Variants in GNB5 observed in about 807,000 individuals in gnomAD.
The protein encoded by GNB5 is guanine nucleotide-binding protein subunit beta-5.
GNB5 carries 37 observed loss-of-function variants against 55.3 expected under a neutral mutation model. The ratio of observed to expected loss-of-function variants is 0.67; its 90% CI spans 0.51 to 0.88. The LOEUF (loss-of-function observed/expected upper bound fraction) is 0.88. Ranked by LOEUF, GNB5 falls within the 40% of genes least tolerant of loss-of-function variation. GNB5 has a pLI of 0.00. For synonymous variants in GNB5, 219 were observed against 198.5 expected (o/e 1.10, Z -0.87); for missense variants, 476 against 515.3 (o/e 0.92, Z 0.74).
At position 52,141,147 on chromosome 15, in the gene GNB5, T is replaced by A; in HGVS notation, c.620A>T (p.Asp207Val). The A allele has an allele frequency of 1.9e-6, 3 of 1,614,140 alleles. No homozygotes were observed. Among genetic ancestry groups the A allele is most frequent in the Non-Finnish European group, 2.5e-6 (3 of 1,179,992 alleles). Residue 207 changes from aspartate to valine, a missense_variant, in exon 7 of 13, where the codon GAC becomes GTC. By Grantham distance (152) the Asp-to-Val change is radical. Coordinates refer to ENST00000261837, the MANE Select transcript of GNB5 (RefSeq NM_016194.4). ...YLSACSFTNSDMQILTASGDG... is the reference protein window; with the variant it reads ...YLSACSFTNSVMQILTASGDG... ...CGGGGGCTGCCTATTTACCTGCATG[T>A]CAGAGTTGGTGAAGCTGCAGGCCGA...
chr15:52,141,314 C>T, intron 6 of GNB5, 42 bp from the exon 7 acceptor site: 1 of 1,574,234 alleles, frequency 6.4e-7, no homozygotes, highest in Non-Finnish European at 8.7e-7. Context: ...AATGCAGAGT[C>T]ACAGAATATG....
At chr15:52,138,938 T>C (rs1422121601) in intron 7 of GNB5, 4 of 152,232 alleles carry the variant, frequency 2.6e-5, no homozygotes, top group East Asian at 3.8e-4. Context: ...TTCATATAAA[T>C]GCATTAAACA....
chr15:52,128,840 A>G (rs1190514047), intron 9 of GNB5: 6 of 429,578 alleles, frequency 1.4e-5, no homozygotes, highest in Non-Finnish European at 2.4e-5. Context: ...CTCAATGATT[A>G]GTGAGAAATA....
At chr15:52,132,447 T>C (rs1281890230) in intron 9 of GNB5, among the ~76,000 whole-genome samples, 1 of 152,082 alleles carries the variant, frequency 6.6e-6, no homozygotes, top group Non-Finnish European at 1.5e-5. Context: ...TTCCCTACAA[T>C]GTATTCTCCA....
At chr15:52,186,975 C>A (rs949270711) in intron 1 of GNB5, among the ~76,000 whole-genome samples, 19 of 152,172 alleles carry the variant, frequency 1.2e-4, no homozygotes, top group African/African-American at 4.6e-4. Flanking sequence ...GCCCTCGCCT[C>A]TCCCTGGGAG....
intron 4 of GNB5, 121 bp downstream of exon 4, chr15:52,153,819 C>A: frequency 1.2e-6 from 1 of 807,664 alleles, no homozygotes; most frequent in Non-Finnish European, 2.0e-6. Context: ...AAATCACATC[C>A]TTTGGAGAAT....
intron 6 of GNB5, among the ~76,000 whole-genome samples, chr15:52,146,719 C>T (rs1402658188): frequency 6.6e-6 from 1 of 150,766 alleles, no homozygotes; most frequent in East Asian, 2.0e-4. Context: ...TGTATACCAC[C>T]ACACCCAGCT....
At chr15:52,123,543 C>CCTTTTTTTTTTTTTTTTT (rs1566930700) in intron 12 of GNB5, 1 of 140,142 alleles carries the variant, frequency 7.1e-6, no homozygotes. Context: ...GAATGGGCTA[C>CCTTTTTTTTTTTTTTTTT]TTTTTTTTTT....
chr15:52,133,591 T>C (rs2033632731), intron 8 of GNB5, 122 bp from the exon 9 acceptor site: 2 of 667,682 alleles, frequency 3.0e-6, no homozygotes, highest in African/African-American at 3.6e-5. Context: ...ACAACACACT[T>C]TTCTGAGACT....
intron 5 of GNB5, among the ~76,000 whole-genome samples, chr15:52,148,815 C>A (rs555741194): frequency 1.3e-5 from 2 of 152,324 alleles, no homozygotes; most frequent in Non-Finnish European, 2.9e-5. Flanking sequence ...CTCCAGAGAA[C>A]GAGCTGAGGT....
At position 52,115,215 on chromosome 15, in the gene GNB5, A is replaced by G. The variant is rs537219377; in HGVS notation, c.*7542T>C. On this transcript the variant is annotated 3_prime_UTR_variant, in exon 13 of 13. Transcript: ENST00000261837. ...TAGATTTGCAGTAGCTTTGGGGTAA[A>G]TGATAAATCCTCTGGAACTGCCATT... 1 of 152,364 alleles carries G rather than the reference A, an allele frequency of 6.6e-6. No homozygotes were observed. Among genetic ancestry groups the G allele is most frequent in the South Asian group, 2.1e-4 (1 of 4,830 alleles). The allele number at this position is 152,364 out of a possible 1,614,324, so 9.4% of individuals were successfully genotyped here.
chr15:52,182,537 T>A (rs2034787105), intron 2 of GNB5, among the ~76,000 whole-genome samples: 1 of 152,228 alleles, frequency 6.6e-6, no homozygotes, highest in African/African-American at 2.4e-5. Flanking sequence ...TAGGCAGTTT[T>A]CCAAGTACTT....
chr15:52,136,372 T>C (rs1190990951), intron 7 of GNB5, among the ~76,000 whole-genome samples: 1 of 152,182 alleles, frequency 6.6e-6, no homozygotes, highest in Non-Finnish European at 1.5e-5. Flanking sequence ...CGTGAGTCTC[T>C]ACTGAGTGTT....
intron 3 of GNB5, among the ~76,000 whole-genome samples, chr15:52,164,606 C>T (rs183569051): frequency 6.6e-6 from 1 of 151,616 alleles, no homozygotes; most frequent in Non-Finnish European, 1.5e-5. Context: ...CCAGCCTGGG[C>T]GACAGAGCCA....
Position 52,154,072 on chromosome 15 carries a change from G to T in GNB5, c.243C>A (p.His81Gln). 5.6e-6 allele frequency: 9 copies of T among 1,613,712 alleles called. No homozygotes were observed. Among genetic ancestry groups the T allele is most frequent in the Non-Finnish European group, 7.6e-6 (9 of 1,179,800 alleles). The change falls in exon 4 of 13, where the codon CAC becomes CAA. Residue 81 changes from histidine to glutamine, a missense_variant. Transcript: ENST00000261837. ...ERAKLHDVELHQVAERVEALG... is the reference protein window; with the variant it reads ...ERAKLHDVELQQVAERVEALG... ...GGGCCTCCACCCGCTCCGCCACCTG[G>T]TGCACTGGAATGACAAGGCCATAGT...
chr15:52,124,425 G>C, intron 12 of GNB5, 48 bp downstream of exon 12: 1 of 1,487,230 alleles, frequency 6.7e-7, no homozygotes, highest in Non-Finnish European at 9.3e-7. Flanking sequence ...CCTGTCACCA[G>C]TCCTCTCTCC....
Position 52,137,099 on chromosome 15 carries a change from C to G in GNB5, c.628-1343G>C, listed in dbSNP as rs375241649. 12 of 555,068 alleles carry G rather than the reference C, an allele frequency of 2.2e-5. No individual in the cohort carries two copies. The East Asian group carries it at 6.4e-4, about 30-fold the overall frequency. The allele number at this position is 555,068 out of a possible 1,614,324, so 34.4% of individuals were successfully genotyped here. A position where few individuals can be genotyped will look rare whatever the true frequency, so the allele number is the denominator to read the frequency against. ...AATCACCAAGCCTGGACCCTGAAAT[C>G]CTCTAAGTACCCTTCCCTAATTCCT... On this transcript the variant is annotated intron_variant, in intron 7 of 12. Coordinates refer to ENST00000261837, the MANE Select transcript of GNB5 (RefSeq NM_016194.4).
intron 3 of GNB5, among the ~76,000 whole-genome samples, chr15:52,168,215 T>C (rs2034487830): frequency 6.6e-6 from 1 of 152,198 alleles, no homozygotes; most frequent in African/African-American, 2.4e-5. Context: ...AAATTATCTT[T>C]GTTTGCAGAT....
intron 3 of GNB5, among the ~76,000 whole-genome samples, chr15:52,158,927 T>C (rs989544582): frequency 6.6e-5 from 10 of 152,136 alleles, no homozygotes; most frequent in Non-Finnish European, 1.5e-4. Context: ...CTAAGCTAGA[T>C]GTGTGGACAC....
Sources: allele counts gnomAD v4.1 joint callset (sites outside exome capture counted in the v4.1 genomes callset), GRCh38; gene constraint gnomAD v4.1.1; transcripts MANE v1.5; gene names NCBI Gene and HGNC (gene_info 2026-07-23, HGNC 2026-07-21).